Variants in ABR observed in about 807,000 individuals in gnomAD.
ABR encodes ABR activator of RhoGEF and GTPase.
A neutral mutation model predicts 107.2 loss-of-function variants in ABR; 35 were observed. The ratio of observed to expected loss-of-function variants is 0.33; its 90% confidence interval spans 0.25 to 0.43. ABR has a LOEUF of 0.43. Among genes scored for constraint, ABR ranks in the 20% least tolerant of loss-of-function variants. ABR has a pLI of 1.00. For synonymous variants in ABR, 498 were observed against 462.0 expected (o/e 1.08, Z -1.00); for missense variants, 815 against 1,115.2 (o/e 0.73, Z 3.83).
intron 1 of ABR, 83 bp from the exon 2 acceptor site, chr17:1,125,450 G>GCCC: frequency 1.3e-6 from 2 of 1,511,728 alleles, no homozygotes; most frequent in Non-Finnish European, 1.8e-6. Flanking sequence ...GCCGGCGGCG[G>GCCC]CCCCCGGCAG....
At chr17:1,101,878 C>A (rs1199950980) in intron 2 of ABR, among the ~76,000 whole-genome samples, 1 of 152,020 alleles carries the variant, frequency 6.6e-6, no homozygotes, top group Non-Finnish European at 1.5e-5. Flanking sequence ...GGACTACAGG[C>A]TCCCGCCACC....
At chr17:1,016,317 CTTTT>C (rs151002591) in intron 16 of ABR, among the ~76,000 whole-genome samples, 2 of 134,906 alleles carry the variant, frequency 1.5e-5, no homozygotes, top group African/African-American at 5.4e-5. Context: ...CCCAACGTTT[CTTTT>C]TTTTTTTTTT....
At chr17:1,054,101 C>G (rs2032923044) in intron 14 of ABR, among the ~76,000 whole-genome samples, 1 of 152,204 alleles carries the variant, frequency 6.6e-6, no homozygotes, top group Non-Finnish European at 1.5e-5. Flanking sequence ...CAGGAAGGAA[C>G]CTTGAGCCCC....
chr17:1,176,458 G>A (rs2041921320), intron 1 of ABR, among the ~76,000 whole-genome samples: 1 of 152,190 alleles, frequency 6.6e-6, no homozygotes, highest in South Asian at 2.1e-4. Flanking sequence ...TGTTACTTAT[G>A]TGATCTTAGG....
intron 1 of ABR, among the ~76,000 whole-genome samples, chr17:1,221,346 C>T (rs1386738075): frequency 6.6e-6 from 1 of 152,168 alleles, no homozygotes; most frequent in African/African-American, 2.4e-5. Flanking sequence ...GCTCCTCTTC[C>T]CATTCTTCTA....
intron 1 of ABR, among the ~76,000 whole-genome samples, chr17:1,171,516 C>T (rs2151599244): frequency 6.6e-6 from 1 of 152,284 alleles, no homozygotes; most frequent in South Asian, 2.1e-4. Context: ...TGAGGCCTCC[C>T]AGCCACCCAA....
chr17:1,045,256 T>A (rs1246794585), intron 16 of ABR, among the ~76,000 whole-genome samples: 2 of 152,234 alleles, frequency 1.3e-5, no homozygotes, highest in Non-Finnish European at 2.9e-5. Flanking sequence ...TTCCACCTCC[T>A]CCTTGAAGCC....
At chr17:1,025,252 C>G (rs1427473948) in intron 16 of ABR, among the ~76,000 whole-genome samples, 1 of 151,720 alleles carries the variant, frequency 6.6e-6, no homozygotes, top group Non-Finnish European at 1.5e-5. Flanking sequence ...GCCGAGATCG[C>G]GCCATTGCAC....
chr17:1,059,672 T>C (rs2033709430), intron 10 of ABR, among the ~76,000 whole-genome samples: 1 of 152,204 alleles, frequency 6.6e-6, no homozygotes. Context: ...GCTCCCTCAA[T>C]GTTCCAAGTT....
At chr17:1,008,212 G>C (rs1417270855) in intron 21 of ABR, among the ~76,000 whole-genome samples, 2 of 152,246 alleles carry the variant, frequency 1.3e-5, no homozygotes, top group Non-Finnish European at 2.9e-5. Context: ...CATCAGGGCT[G>C]GTGTCCAGGC....
At chr17:1,019,318 T>C (rs1259356533) in intron 16 of ABR, among the ~76,000 whole-genome samples, 1 of 152,220 alleles carries the variant, frequency 6.6e-6, no homozygotes, top group East Asian at 1.9e-4. Context: ...CACTAAGATC[T>C]ACCCTCTGCA....
At chr17:1,047,763 A>C (rs1350574721) in intron 16 of ABR, among the ~76,000 whole-genome samples, 1 of 152,164 alleles carries the variant, frequency 6.6e-6, no homozygotes, top group African/African-American at 2.4e-5. Context: ...CACTGCCTCC[A>C]TCTGCTCCTG....
intron 2 of ABR, among the ~76,000 whole-genome samples, chr17:1,123,396 G>A (rs747310539): frequency 4.6e-5 from 7 of 152,166 alleles, no homozygotes; most frequent in Non-Finnish European, 7.3e-5. Flanking sequence ...CAAGCAAGAC[G>A]CACAGCCACC....
rs555498528 is a variant in ABR at position 1,031,720 on chromosome 17, G to A, written c.1791+18330C>T. ...CGCCCCGCCTTCGGGCTGCAGTCGG[G>A]CTGGGGCAGGACGTCGGTCATGCCG... On this transcript the variant is annotated intron_variant, in intron 16 of 22. Coordinates refer to ENST00000302538, the MANE Select transcript of ABR (RefSeq NM_021962.5). 2.8e-5 allele frequency: 35 copies of A among 1,246,048 alleles called. No homozygotes were observed. The African/African-American group carries it at 3.1e-4, about 11-fold the overall frequency. The allele number at this position is 1,246,048 out of a possible 1,614,324, so 77.2% of individuals were successfully genotyped here.
intron 16 of ABR, among the ~76,000 whole-genome samples, chr17:1,038,039 A>G (rs930391511): frequency 6.6e-6 from 1 of 152,202 alleles, no homozygotes; most frequent in Non-Finnish European, 1.5e-5. Context: ...CTCGTCGGAT[A>G]AAAGCAGAAG....
chr17:1,119,475 TCCC>T (rs1210001692), intron 2 of ABR, among the ~76,000 whole-genome samples: 1 of 85,576 alleles, frequency 1.2e-5, no homozygotes, highest in African/African-American at 3.9e-5. Context: ...CCCAGCGTTA[TCCC>T]TGAGCCTGAG....
chr17:1,129,169 G>T (rs1191852311), intron 1 of ABR, among the ~76,000 whole-genome samples: 1 of 152,154 alleles, frequency 6.6e-6, no homozygotes, highest in Non-Finnish European at 1.5e-5. Flanking sequence ...GTCACACACT[G>T]GGGCCTGTTG....
chr17:1,128,179 C>A lies in ABR; in HGVS notation c.62-2812G>T, dbSNP rs200645045. On this transcript the variant is annotated intron_variant, in intron 1 of 22. Transcript: ENST00000302538. ...CCTTTCATTTCTGCCCCCACAAAAC[C>A]ATGAGAGCCCAGGAGACTCCAACCA... 3.9e-5 allele frequency among the ~76,000 whole-genome samples: 6 copies of A among 152,318 alleles called. No homozygotes were observed. In the East Asian group the frequency reaches 7.7e-4, roughly 20 times the overall value.
At chr17:1,147,861 G>A (rs1333210311) in intron 1 of ABR, among the ~76,000 whole-genome samples, 2 of 152,194 alleles carry the variant, frequency 1.3e-5, no homozygotes, top group African/African-American at 2.4e-5. Flanking sequence ...TCCCATTCAG[G>A]AGAGAAGCAG....
Sources: allele counts gnomAD v4.1 joint callset (sites outside exome capture counted in the v4.1 genomes callset), GRCh38; gene constraint gnomAD v4.1.1; transcripts MANE v1.5; gene names NCBI Gene and HGNC (gene_info 2026-07-23, HGNC 2026-07-21).